Variants in CEP250 observed in about 807,000 individuals in gnomAD.
CEP250 encodes the protein centrosomal protein 250.
In CEP250, 242 loss-of-function variants were observed where a neutral mutation model predicts 315.7. The observed-to-expected ratio is 0.77, with a 90% CI of 0.69 to 0.85. The LOEUF is 0.85. CEP250 is among the 40% of genes least tolerant of loss of function. The pLI, the probability that CEP250 is intolerant of heterozygous loss-of-function variation, is 0.00. For missense variants in CEP250, 2,515 were observed against 2,886.4 expected, an observed-to-expected ratio of 0.87 and a Z score of 2.95; for synonymous variants, 1,088 against 1,175.0, an observed-to-expected ratio of 0.93 and a Z score of 1.51.
Position 35,494,580 on chromosome 20 carries a change from G to A in CEP250, c.3090G>A (p.Glu1030=). Residue 1030 remains glutamate, a synonymous_variant, in exon 24 of 35, where the codon GAG becomes GAA. Coordinates refer to ENST00000397527, the MANE Select transcript of CEP250 (RefSeq NM_007186.6). Reference sequence around the variant, plus strand: ...AGGATGACTCCCAGAGGCTGGTGGAGCAGGAGGTTCAGGAGAAGCTGAGAG... The same window carrying A: ...AGGATGACTCCCAGAGGCTGGTGGAACAGGAGGTTCAGGAGAAGCTGAGAG... ...VAQDDSQRLV[E]QEVQEKLRET... 2 of 1,614,180 alleles carry A rather than the reference G, an allele frequency of 1.2e-6. No individual in the cohort carries two copies. The highest frequency in any genetic ancestry group is 1.7e-6 in the Non-Finnish European group (2 of 1,180,034).
At chr20:35,491,032 C>A in intron 21 of CEP250, 180 bp from the exon 22 acceptor site, 1 of 837,102 alleles carries the variant, frequency 1.2e-6, no homozygotes, top group Non-Finnish European at 1.9e-6. Flanking sequence ...TGTCAGCTTG[C>A]AAACCAGTGG....
At chr20:35,509,125 C>T (rs1489880630) in intron 33 of CEP250, 81 bp downstream of exon 33, 49 of 1,141,756 alleles carry the variant, frequency 4.3e-5, no homozygotes, top group East Asian at 3.3e-4. Flanking sequence ...TTGCATATCC[C>T]GGGCCAACAG....
chr20:35,507,010 A>G (rs565348458), intron 30 of CEP250, among the ~76,000 whole-genome samples: 1 of 152,260 alleles, frequency 6.6e-6, no homozygotes, highest in East Asian at 1.9e-4. Context: ...TGCCACCTCC[A>G]AACACACAGG....
chr20:35,497,096 G>A (rs1381963738), intron 25 of CEP250, among the ~76,000 whole-genome samples: 2 of 152,086 alleles, frequency 1.3e-5, no homozygotes, highest in Admixed American at 1.3e-4. Flanking sequence ...AAGACTTCCA[G>A]GGACTCAGTC....
At position 35,518,004 on chromosome 20, in the gene CEP250, A is replaced by T. The variant is rs527521544; in HGVS notation, c.*6378A>T. 1 of 150,690 alleles carries T rather than the reference A, an allele frequency of 6.6e-6. No individual in the cohort carries two copies. Among genetic ancestry groups the T allele is most frequent in the East Asian group, 1.9e-4 (1 of 5,146 alleles). 9.3% of individuals were successfully genotyped at this position (150,690 alleles called of 1,614,324 possible). ...GGTTGCAGTGAACCATGATCATGTC[A>T]CTGCACTCACTCCAGCCTGGGCAAC... On this transcript the variant is annotated 3_prime_UTR_variant, in exon 35 of 35. Transcript: ENST00000397527.
rs201567960 is a variant in CEP250 at position 35,472,659 on chromosome 20, G to C, written c.1051-14G>C. On this transcript the variant is annotated splice_polypyrimidine_tract_variant and intron_variant, in intron 11 of 34. Transcript: ENST00000397527. ...TGGTCAGTAGGGTGGTGACCTTGCT[G>C]TATTGGGTTTCAGGTCATGGTGGAA... is the stretch of plus-strand genomic sequence containing the variant. 28 of 1,613,908 alleles carry C rather than the reference G, an allele frequency of 1.7e-5. No individual in the cohort carries two copies. Among genetic ancestry groups the C allele is most frequent in the Non-Finnish European group, 7.6e-6 (9 of 1,179,804 alleles).
chr20:35,469,389 C>T (rs2062969345), intron 9 of CEP250, among the ~76,000 whole-genome samples: 1 of 152,184 alleles, frequency 6.6e-6, no homozygotes, highest in Non-Finnish European at 1.5e-5. Context: ...GCAGTAAGCT[C>T]TAAGATATAG....
At chr20:35,500,347 A>C (rs1601285814) in intron 28 of CEP250, among the ~76,000 whole-genome samples, 178 bp downstream of exon 28, 1 of 152,122 alleles carries the variant, frequency 6.6e-6, no homozygotes, top group Non-Finnish European at 1.5e-5. Flanking sequence ...GCTGCAACCT[A>C]TGTCTTCCGA....
chr20:35,482,793 C>A (rs1198391863), intron 20 of CEP250, among the ~76,000 whole-genome samples: 1 of 145,794 alleles, frequency 6.9e-6, no homozygotes, highest in African/African-American at 2.5e-5. Flanking sequence ...AACTCCTGGG[C>A]TCAAGTGATC....
At chr20:35,507,393 A>G (rs1173715799) in intron 30 of CEP250, among the ~76,000 whole-genome samples, 2 of 152,120 alleles carry the variant, frequency 1.3e-5, no homozygotes, top group East Asian at 3.9e-4. Context: ...GCCACTGGGT[A>G]CGCCACAGGG....
At chr20:35,498,102 C>A in intron 26 of CEP250, 35 bp downstream of exon 26, 1 of 1,458,732 alleles carries the variant, frequency 6.9e-7, no homozygotes, top group Non-Finnish European at 9.1e-7. Flanking sequence ...GTCCTTTGGG[C>A]CAAAGCCAGG....
At position 35,502,938 on chromosome 20, in the gene CEP250, C is replaced by A. The variant is rs2064057399; in HGVS notation, c.4569C>A (p.Val1523=). 4 of 1,614,108 alleles carry A rather than the reference C, an allele frequency of 2.5e-6. No homozygotes were observed. Among genetic ancestry groups the A allele is most frequent in the Non-Finnish European group, 2.5e-6 (3 of 1,180,056 alleles). ...AGGATCGGGAGACTCAGAGGAACGT[C>A]TTGGAGCATCAGCTTCTAGAACTTG... The part of the protein sequence containing the change: ...LEKDRETQRN[V]LEHQLLELEK... The change falls in exon 30 of 35, where the codon GTC becomes GTA. Residue 1523 remains valine (V), a synonymous_variant. Transcript: ENST00000397527.
At chr20:35,495,426 G>C (rs149627054) in intron 24 of CEP250, among the ~76,000 whole-genome samples, 1 of 152,348 alleles carries the variant, frequency 6.6e-6, no homozygotes, top group African/African-American at 2.4e-5. Flanking sequence ...AGACCATTCA[G>C]AGTGAAGAGC....
intron 16 of CEP250, 185 bp downstream of exon 16, chr20:35,476,780 AC>A: frequency 1.9e-6 from 1 of 514,458 alleles, no homozygotes; most frequent in Non-Finnish European, 3.4e-6. Context: ...CAGCAGAACC[AC>A]CTCTGGACTT....
chr20:35,493,001 G>A (rs1335124754), intron 22 of CEP250, among the ~76,000 whole-genome samples: 1 of 152,094 alleles, frequency 6.6e-6, no homozygotes, highest in African/African-American at 2.4e-5. Flanking sequence ...GTGTTGGGAT[G>A]ATAGGCGTGA....
In CEP250 at chr20:35,473,949, C is replaced by T. The variant is rs776554898; in HGVS notation, c.1468C>T (p.Arg490Ter). 15 of 1,611,574 alleles carry T rather than the reference C, an allele frequency of 9.3e-6. No individual in the cohort carries two copies. The highest frequency in any genetic ancestry group is 5.4e-5 in the African/African-American group (4 of 74,704). The stretch of plus-strand genomic sequence containing the variant: ...GCTAGAGCAGGAGGCATGGCGCCTG[C>T]GAAGGGTAAATGTGGAGCTTCAGCT... ...EVLEQEAWRLRRVNVELQLQG... is the reference protein window; with the variant it reads ...EVLEQEAWRL The change falls in exon 14 of 35, where the codon CGA becomes TGA. Residue 490 changes from arginine to a stop codon, truncating the protein, a stop_gained. Transcript: ENST00000397527. LOFTEE classifies it high-confidence loss of function.
chr20:35,504,872 A>G lies in CEP250; in HGVS notation c.6503A>G (p.Glu2168Gly), dbSNP rs2064140547. The G allele has an allele frequency of 4.3e-6, 7 of 1,614,206 alleles. No individual in the cohort carries two copies. The highest frequency in any genetic ancestry group is 5.9e-6 in the Non-Finnish European group (7 of 1,180,030). ...AGACAGACAGAAGCCAGGGAGATTG[A>G]GTGGAGGGAGAAGGCCCAGGACTTG... The part of the protein sequence containing the change: ...ALRQTEAREI[E>G]WREKAQDLAL... Residue 2168 changes from glutamate to glycine, a missense_variant, in exon 30 of 35, where the codon GAG becomes GGG. Physicochemically the swap from Glu to Gly is moderately conservative, Grantham distance 98. Coordinates refer to ENST00000397527, the MANE Select transcript of CEP250 (RefSeq NM_007186.6).
chr20:35,509,333 G>A (rs2064289042), intron 33 of CEP250, among the ~76,000 whole-genome samples: 1 of 152,218 alleles, frequency 6.6e-6, no homozygotes, highest in East Asian at 1.9e-4. Flanking sequence ...GGCTCATGGG[G>A]CTCTGCTTAG....
chr20:35,473,956 T>C lies in CEP250; in HGVS notation c.1475T>C (p.Val492Ala). ...LEQEAWRLRR[V>A]NVELQLQGDS... ...CAGGAGGCATGGCGCCTGCGAAGGG[T>C]AAATGTGGAGCTTCAGCTGCAGGGG... The change falls in exon 14 of 35, where the codon GTA becomes GCA. Residue 492 changes from valine (V) to alanine (A), a missense_variant. Coordinates refer to ENST00000397527, the MANE Select transcript of CEP250 (RefSeq NM_007186.6). 1 of 1,610,866 alleles carries C rather than the reference T, an allele frequency of 6.2e-7. No individual in the cohort carries two copies. The highest frequency in any genetic ancestry group is 1.7e-5 in the Admixed American group (1 of 59,150).
Sources: gnomAD v4.1 joint callset for allele counts (sites outside exome capture counted in the v4.1 genomes callset) on GRCh38, gnomAD v4.1.1 for gene constraint, MANE v1.5 for transcripts, NCBI Gene and HGNC (gene_info 2026-07-23, HGNC 2026-07-21) for gene names.